TAMM41: variants seen among roughly 807,000 people sequenced by gnomAD.
TAMM41 encodes TAM41 mitochondrial translocator assembly and maintenance homolog.
TAMM41 carries 36 observed loss-of-function variants against 44.1 expected under a neutral mutation model. That is an observed-to-expected ratio of 0.82 (90% CI 0.63 to 1.08). The LOEUF (loss-of-function observed/expected upper bound fraction) is 1.08. Ranked by LOEUF, TAMM41 falls within the 50% of genes least tolerant of loss-of-function variation. TAMM41 has a pLI of 0.00. For synonymous variants in TAMM41, 164 were observed against 153.1 expected (o/e 1.07, Z -0.53); for missense variants, 417 against 404.3 (o/e 1.03, Z -0.27).
chr3:11,748,898 C>T, the TAMM41 span, among the ~76,000 whole-genome samples: 2 of 144,670 alleles, frequency 1.4e-5, no homozygotes, highest in Non-Finnish European at 3.0e-5. Flanking sequence ...ACCCTCAACA[C>T]CCTGGGAAGT....
the TAMM41 span, among the ~76,000 whole-genome samples, chr3:11,783,458 G>T: frequency 6.6e-6 from 1 of 152,192 alleles, no homozygotes; most frequent in Admixed American, 6.5e-5. Context: ...GAAATGTTAG[G>T]ATTAGAAGCC....
chr3:11,751,089 CTTTTTT>C, the TAMM41 span, among the ~76,000 whole-genome samples: 2 of 130,258 alleles, frequency 1.5e-5, no homozygotes, highest in Non-Finnish European at 1.6e-5. Context: ...ACAGATGATA[CTTTTTT>C]TTTTTTTTTT....
chr3:11,723,018 G>C, the TAMM41 span, among the ~76,000 whole-genome samples: 8 of 151,990 alleles, frequency 5.3e-5, no homozygotes, highest in Non-Finnish European at 1.2e-4. Context: ...AGCTACTCAG[G>C]AGGCTGAAGC....
At chr3:11,785,130 G>A in the TAMM41 span, among the ~76,000 whole-genome samples, 1 of 152,116 alleles carries the variant, frequency 6.6e-6, no homozygotes, top group Non-Finnish European at 1.5e-5. Flanking sequence ...CCATTCCTCT[G>A]TACTCCACTC....
chr3:11,733,021 T>C, the TAMM41 span, among the ~76,000 whole-genome samples: 2 of 133,050 alleles, frequency 1.5e-5, no homozygotes, highest in Non-Finnish European at 3.2e-5. Flanking sequence ...TGTTTTGAGA[T>C]GGAGTCTTGC....
chr3:11,736,892 A>G, the TAMM41 span, among the ~76,000 whole-genome samples: 1 of 152,186 alleles, frequency 6.6e-6, no homozygotes, highest in Non-Finnish European at 1.5e-5. Context: ...GGGCTAAGAC[A>G]CAGGCTCAGC....
the TAMM41 span, among the ~76,000 whole-genome samples, chr3:11,733,288 C>T: frequency 2.0e-5 from 3 of 151,910 alleles, no homozygotes; most frequent in Non-Finnish European, 4.4e-5. Flanking sequence ...CATGAGCCAC[C>T]GCACCAAGCC....
the TAMM41 span, among the ~76,000 whole-genome samples, chr3:11,723,925 T>C: frequency 6.6e-6 from 1 of 151,702 alleles, no homozygotes; most frequent in African/African-American, 2.4e-5. Context: ...AGACACAAGA[T>C]TGGCCCAGAG....
chr3:11,737,662 T>G, the TAMM41 span, among the ~76,000 whole-genome samples: 3 of 152,158 alleles, frequency 2.0e-5, no homozygotes, highest in African/African-American at 7.2e-5. Flanking sequence ...AATATGTATA[T>G]CATCAAACTA....
intron 3 of TAMM41, among the ~76,000 whole-genome samples, chr3:11,837,860 A>C (rs1575714057): frequency 6.6e-6 from 1 of 152,186 alleles, no homozygotes; most frequent in African/African-American, 2.4e-5. Context: ...CGATCCAGTC[A>C]TTGGAGAATC....
chr3:11,803,288 G>A (rs577532328), intron 7 of TAMM41, among the ~76,000 whole-genome samples: 1 of 152,266 alleles, frequency 6.6e-6, no homozygotes, highest in African/African-American at 2.4e-5. Context: ...GGAGGCTGAA[G>A]GGGGAGAATC....
chr3:11,723,592 A>C, the TAMM41 span, among the ~76,000 whole-genome samples: 2 of 151,762 alleles, frequency 1.3e-5, no homozygotes, highest in South Asian at 2.1e-4. Flanking sequence ...AAAAAAAAAA[A>C]AAACAAAAAC....
the TAMM41 span, among the ~76,000 whole-genome samples, chr3:11,783,087 A>AAAG: frequency 6.6e-6 from 1 of 152,278 alleles, no homozygotes; most frequent in East Asian, 1.9e-4. Flanking sequence ...TCTCCTTTCT[A>AAAG]AAGTCCTGCT....
the TAMM41 span, among the ~76,000 whole-genome samples, chr3:11,743,778 T>A: frequency 1.3e-5 from 2 of 152,168 alleles, no homozygotes; most frequent in South Asian, 4.1e-4. Flanking sequence ...ACAGCAGCGC[T>A]TTCAGTTTCC....
chr3:11,723,603 A>C, the TAMM41 span, among the ~76,000 whole-genome samples: 1 of 147,404 alleles, frequency 6.8e-6, no homozygotes, highest in African/African-American at 2.5e-5. Flanking sequence ...AAACAAAAAC[A>C]AAAAAAAAAC....
the TAMM41 span, among the ~76,000 whole-genome samples, chr3:11,760,489 A>G: frequency 6.6e-6 from 1 of 152,194 alleles, no homozygotes; most frequent in African/African-American, 2.4e-5. Flanking sequence ...TATAAAAGAA[A>G]TGGATGATGA....
chr3:11,757,393 G>A, the TAMM41 span, among the ~76,000 whole-genome samples: 7 of 152,156 alleles, frequency 4.6e-5, no homozygotes, highest in Admixed American at 2.0e-4. Flanking sequence ...AGGGGCGGCC[G>A]TCTCCCCAGG....
At chr3:11,760,474 C>A in the TAMM41 span, among the ~76,000 whole-genome samples, 51 of 152,256 alleles carry the variant, frequency 3.3e-4, no homozygotes, top group South Asian at 3.1e-3. Context: ...AATGTCTTGA[C>A]CTTTTATAAA....
At chr3:11,808,528 T>C in intron 6 of TAMM41, 3 of 985,562 alleles carry the variant, frequency 3.0e-6, no homozygotes, top group Non-Finnish European at 3.6e-6. Flanking sequence ...CGATGGTCTT[T>C]GCAAAGCATT....
Sources: gnomAD v4.1 joint callset for allele counts (sites outside exome capture counted in the v4.1 genomes callset) on GRCh38, gnomAD v4.1.1 for gene constraint, MANE v1.5 for transcripts, NCBI Gene and HGNC (gene_info 2026-07-23, HGNC 2026-07-21) for gene names.